Variants in ANKRD17 observed in about 807,000 individuals in gnomAD.
The protein encoded by ANKRD17 is ankyrin repeat domain 17.
Under a neutral mutation model 229.7 loss-of-function variants are expected in ANKRD17, and 19 were observed. That is an observed-to-expected ratio of 0.08 (90% confidence interval 0.06 to 0.12). The LOEUF (loss-of-function observed/expected upper bound fraction) is 0.12. Among genes scored for constraint, ANKRD17 ranks in the 10% least tolerant of loss-of-function variants. The pLI, the probability that ANKRD17 is intolerant of heterozygous loss-of-function variation, is 1.00. For missense variants in ANKRD17, 2,176 were observed against 3,176.8 expected (o/e 0.68, Z 7.57); for synonymous variants, 1,112 against 1,146.1 (o/e 0.97, Z 0.60).
rs950197079 is a variant in ANKRD17, at chr4:73,077,098, G to A, written c.7594C>T (p.Pro2532Ser). ...ATTGCATTCCCATACACAGAAAAAG[G>A]CATACCCTTAAAAAAGGAAAACACA... ...YMDFPKVGGM[P>S]FSVYGNAMIP... The change falls in exon 33 of 34, where the codon CCT (proline) becomes TCT (serine). Residue 2532 changes from proline (P) to serine (S), a missense_variant. Transcript: ENST00000358602. 2 of 1,569,486 alleles carry A rather than the reference G, an allele frequency of 1.3e-6. No individual in the cohort carries two copies. Among genetic ancestry groups the A allele is most frequent in the African/African-American group, 2.7e-5 (2 of 72,786 alleles).
chr4:73,123,086 A>G (rs1400392600), intron 18 of ANKRD17, among the ~76,000 whole-genome samples: 1 of 152,144 alleles, frequency 6.6e-6, no homozygotes, highest in Non-Finnish European at 1.5e-5. Flanking sequence ...GTTATAACCT[A>G]ATCTGTTATA....
At position 73,237,537 on chromosome 4, in the gene ANKRD17, G is replaced by A. The variant is rs375801463; in HGVS notation, c.393+20739C>T. On this transcript the variant is annotated intron_variant, in intron 1 of 33. Coordinates refer to ENST00000358602, the MANE Select transcript of ANKRD17 (RefSeq NM_032217.5). ...ATCTTGGACTGTGAGGTGGGGATCT[G>A]GATGCAGAGTAAGAAAAGGAAGAAA... 5.9e-5 allele frequency among the ~76,000 whole-genome samples: 9 copies of A among 152,232 alleles called. No individual in the cohort carries two copies. In the South Asian group the frequency reaches 1.9e-3, roughly 32 times the overall value.
chr4:73,156,225 A>T, intron 3 of ANKRD17, 59 bp from the exon 4 acceptor site: 2 of 1,511,842 alleles, frequency 1.3e-6, no homozygotes, highest in Non-Finnish European at 1.8e-6. Flanking sequence ...ATTGCACAGC[A>T]TAAATATTGT....
In ANKRD17 at chr4:73,240,558, G is replaced by A. The variant is rs181942922; in HGVS notation, c.393+17718C>T. ...GAGGAACACTTGAGCCCAGGATTTC[G>A]AGGCGGCAGTGAGCTATGATCATGC... On this transcript the variant is annotated intron_variant, in intron 1 of 33. Coordinates refer to ENST00000358602, the MANE Select transcript of ANKRD17 (RefSeq NM_032217.5). Among the ~76,000 whole-genome samples, 67 of 151,886 alleles carry A rather than the reference G, an allele frequency of 4.4e-4. 1 individual carries two copies. The East Asian group carries it at 0.011, about 24-fold the overall frequency.
intron 1 of ANKRD17, among the ~76,000 whole-genome samples, chr4:73,211,472 A>G (rs914994200): frequency 1.3e-5 from 2 of 152,228 alleles, no homozygotes; most frequent in Admixed American, 1.3e-4. Flanking sequence ...AACAGGTTAC[A>G]AAGGCTTTGA....
intron 1 of ANKRD17, among the ~76,000 whole-genome samples, chr4:73,218,785 T>C (rs1443924212): frequency 6.6e-6 from 1 of 151,826 alleles, no homozygotes; most frequent in Non-Finnish European, 1.5e-5. Flanking sequence ...AGGTACTCAA[T>C]AAATGCAGTG....
At chr4:73,154,763 C>T (rs1041996257) in intron 5 of ANKRD17, among the ~76,000 whole-genome samples, 15 of 152,088 alleles carry the variant, frequency 9.9e-5, no homozygotes, top group East Asian at 9.6e-4. Flanking sequence ...AATAACGGGC[C>T]GGGCGCGGTG....
rs182525191 is a variant in ANKRD17 at position 73,102,625 on chromosome 4, A to G, written c.4402-78T>C. On this transcript the variant is annotated intron_variant, in intron 24 of 33. Coordinates refer to ENST00000358602, the MANE Select transcript of ANKRD17 (RefSeq NM_032217.5). ...GAAGTTGTCACATAATCATTTAATC[A>G]TAAGGAAACCATGATATCATAAAAT... 6.1e-5 allele frequency: 91 copies of G among 1,490,698 alleles called. No individual in the cohort carries two copies. In the African/African-American group the frequency reaches 1.2e-3, roughly 19 times the overall value. 92.3% of individuals were successfully genotyped at this position (1,490,698 alleles called of 1,614,324 possible).
chr4:73,196,268 G>A (rs979062967), intron 1 of ANKRD17, among the ~76,000 whole-genome samples: 1 of 152,096 alleles, frequency 6.6e-6, no homozygotes, highest in Admixed American at 6.5e-5. Flanking sequence ...GAAGTGTTGG[G>A]ATTACAGGCA....
Position 73,091,806 on chromosome 4 carries a change from G to A in ANKRD17, c.5822C>T (p.Pro1941Leu), listed in dbSNP as rs71603619. 10 of 1,614,218 alleles carry A rather than the reference G, an allele frequency of 6.2e-6. No homozygotes were observed. Among genetic ancestry groups the A allele is most frequent in the South Asian group, 1.1e-5 (1 of 91,088 alleles). ...PLSPARATNS[P>L]KPHMVPRHSN... ...ATGGCGAGGCACCATGTGAGGCTTA[G>A]GCGAGTTAGTAGCTCTGGCAGGGCT... Residue 1941 changes from proline to leucine, a missense_variant, in exon 29 of 34, where the codon CCT becomes CTT. Around this residue, in one of 18 missense-constraint regions of ANKRD17, gnomAD observed 142 missense variants for 200.4 expected, o/e 0.71. Coordinates refer to ENST00000358602, the MANE Select transcript of ANKRD17 (RefSeq NM_032217.5).
intron 16 of ANKRD17, among the ~76,000 whole-genome samples, chr4:73,133,191 A>G (rs1334233239): frequency 6.6e-6 from 1 of 151,908 alleles, no homozygotes; most frequent in East Asian, 2.0e-4. Context: ...CGGAGGCTAC[A>G]GTTAGCCAAG....
At chr4:73,156,231 A>T in intron 3 of ANKRD17, 65 bp from the exon 4 acceptor site, 1 of 1,486,902 alleles carries the variant, frequency 6.7e-7, no homozygotes, top group Non-Finnish European at 8.9e-7. Context: ...CAGCATAAAT[A>T]TTGTTTTTGA....
At chr4:73,229,470 G>A (rs948436434) in intron 1 of ANKRD17, among the ~76,000 whole-genome samples, 3 of 151,790 alleles carry the variant, frequency 2.0e-5, no homozygotes, top group Admixed American at 1.3e-4. Flanking sequence ...TTTATTCTTA[G>A]TTCATCATTT....
chr4:73,141,196 G>C (rs35205976), intron 14 of ANKRD17, among the ~76,000 whole-genome samples: 1,556 of 152,248 alleles, frequency 0.01, 18 homozygotes, highest in Non-Finnish European at 0.014. Flanking sequence ...TAAAATGTTT[G>C]GGGACATTAC....
At chr4:73,121,452 G>T in intron 19 of ANKRD17, 165 bp downstream of exon 19, 1 of 776,144 alleles carries the variant, frequency 1.3e-6, no homozygotes, top group Non-Finnish European at 2.1e-6. Flanking sequence ...TCTATATCAA[G>T]TTTTAATTAC....
chr4:73,221,261 T>A (rs1741810867), intron 1 of ANKRD17, among the ~76,000 whole-genome samples: 1 of 152,110 alleles, frequency 6.6e-6, no homozygotes, highest in Non-Finnish European at 1.5e-5. Context: ...GAGGTTGTTT[T>A]AATAACTAGC....
intron 14 of ANKRD17, 75 bp from the exon 15 acceptor site, chr4:73,140,358 A>G: frequency 6.8e-7 from 1 of 1,464,250 alleles, no homozygotes; most frequent in Non-Finnish European, 9.1e-7. Flanking sequence ...TGGGAGGTTT[A>G]GTGCCAACAG....
At chr4:73,152,479 CAGA>C (rs772746389) in intron 6 of ANKRD17, among the ~76,000 whole-genome samples, 1 of 152,012 alleles carries the variant, frequency 6.6e-6, no homozygotes, top group Non-Finnish European at 1.5e-5. Flanking sequence ...AAAACCTCAC[CAGA>C]AGGAGAGGAA....
At chr4:73,124,118 A>G (rs975527383) in intron 18 of ANKRD17, among the ~76,000 whole-genome samples, 6 of 152,010 alleles carry the variant, frequency 3.9e-5, no homozygotes, top group Non-Finnish European at 7.4e-5. Context: ...GGCCTGATAA[A>G]TAGGAAAACC....
Sources: gnomAD v4.1 joint callset for allele counts (sites outside exome capture counted in the v4.1 genomes callset) on GRCh38, gnomAD v4.1.1 for gene constraint, gnomAD v4.1.1 regional missense constraint, MANE v1.5 for transcripts, NCBI Gene and HGNC (gene_info 2026-07-23, HGNC 2026-07-21) for gene names.